Variants in CDH18 observed in about 807,000 individuals in gnomAD.
CDH18 encodes cadherin-18.
In CDH18, 31 loss-of-function variants were observed where a neutral mutation model predicts 67.9. The observed-to-expected ratio is 0.46, with a 90% CI of 0.34 to 0.62. CDH18 has a LOEUF of 0.62. CDH18 is among the 20% of genes least tolerant of loss of function. The pLI is 0.01. For missense variants in CDH18, 890 were observed against 975.5 expected (o/e 0.91, Z 1.17); for synonymous variants, 362 against 347.2 (o/e 1.04, Z -0.48).
chr5:20,217,295 T>C (rs183470428), intron 2 of CDH18, among the ~76,000 whole-genome samples: 201 of 151,838 alleles, frequency 1.3e-3, no homozygotes, highest in Admixed American at 2.0e-3. Flanking sequence ...GATGAACCCA[T>C]CAAAAATAAT....
intron 1 of CDH18, chr5:20,305,595 T>A: frequency 2.1e-6 from 1 of 479,080 alleles, no homozygotes; most frequent in Non-Finnish European, 3.8e-6. Flanking sequence ...GCTGCGGGCC[T>A]CAGAGGACTT....
At chr5:20,019,445 A>G (rs1738198714) in intron 2 of CDH18, among the ~76,000 whole-genome samples, 1 of 152,014 alleles carries the variant, frequency 6.6e-6, no homozygotes, top group African/African-American at 2.4e-5. Flanking sequence ...ATGTTGGAGG[A>G]AGGGCCTTGT....
At chr5:20,033,362 G>C (rs1739567111) in intron 2 of CDH18, among the ~76,000 whole-genome samples, 1 of 151,950 alleles carries the variant, frequency 6.6e-6, no homozygotes, top group African/African-American at 2.4e-5. Flanking sequence ...AAACAGCCTA[G>C]AGCACAGCTG....
chr5:20,449,674 A>G (rs1750278753), intron 1 of CDH18, among the ~76,000 whole-genome samples: 1 of 152,084 alleles, frequency 6.6e-6, no homozygotes, highest in Non-Finnish European at 1.5e-5. Context: ...ATTAACATTC[A>G]GACACATTTG....
chr5:19,643,756 T>C (rs926039097), intron 5 of CDH18, among the ~76,000 whole-genome samples: 3 of 152,094 alleles, frequency 2.0e-5, no homozygotes, highest in Admixed American at 6.6e-5. Context: ...GTTCTGGAGA[T>C]CTAATGTGCA....
chr5:19,532,802 A>G (rs1748847713), intron 9 of CDH18, among the ~76,000 whole-genome samples: 1 of 152,208 alleles, frequency 6.6e-6, no homozygotes, highest in Non-Finnish European at 1.5e-5. Flanking sequence ...ATAGCTGACA[A>G]AAGTTTCCAA....
intron 2 of CDH18, among the ~76,000 whole-genome samples, chr5:20,028,259 TTCTC>T (rs1407283640): frequency 6.6e-6 from 1 of 152,150 alleles, no homozygotes; most frequent in Non-Finnish European, 1.5e-5. Flanking sequence ...AAACAGTTCT[TTCTC>T]CTATATGAAA....
chr5:20,488,926 C>T (rs62355179), intron 1 of CDH18, among the ~76,000 whole-genome samples: 2,898 of 151,982 alleles, frequency 0.019, 54 homozygotes, highest in African/African-American at 0.047. Flanking sequence ...TGGTGACAAA[C>T]TGCTTTTCAT....
intron 2 of CDH18, among the ~76,000 whole-genome samples, chr5:20,092,947 G>A (rs556311004): frequency 6.6e-6 from 1 of 152,196 alleles, no homozygotes; most frequent in East Asian, 1.9e-4. Flanking sequence ...TACTGATTAA[G>A]TTAAAAATTA....
chr5:19,823,882 C>T (rs1780143564), intron 3 of CDH18, among the ~76,000 whole-genome samples: 1 of 152,086 alleles, frequency 6.6e-6, no homozygotes, highest in Non-Finnish European at 1.5e-5. Context: ...AACATACTCT[C>T]AGATCACAGA....
chr5:19,718,671 G>T (rs1318658575), intron 5 of CDH18, among the ~76,000 whole-genome samples: 2 of 151,850 alleles, frequency 1.3e-5, no homozygotes, highest in Non-Finnish European at 2.9e-5. Flanking sequence ...AAACACTTTT[G>T]TTCCTTAATG....
chr5:19,552,427 T>C (rs1737621736), intron 8 of CDH18, among the ~76,000 whole-genome samples: 1 of 152,166 alleles, frequency 6.6e-6, no homozygotes, highest in South Asian at 2.1e-4. Flanking sequence ...GCAAAGCAAC[T>C]ACTTTGTGGT....
intron 2 of CDH18, among the ~76,000 whole-genome samples, chr5:20,148,688 A>ATT (rs750960932): frequency 2.0e-5 from 3 of 152,066 alleles, no homozygotes; most frequent in Non-Finnish European, 4.4e-5. Flanking sequence ...TAGTCCATAG[A>ATT]AGTGGGTCTT....
chr5:19,539,228 T>C (rs997895817), intron 9 of CDH18, among the ~76,000 whole-genome samples: 17 of 152,208 alleles, frequency 1.1e-4, no homozygotes, highest in Non-Finnish European at 2.4e-4. Context: ...AAGGTTGTTT[T>C]ATTACCACCT....
intron 2 of CDH18, among the ~76,000 whole-genome samples, chr5:20,192,340 A>T (rs1738611612): frequency 6.6e-6 from 1 of 151,928 alleles, no homozygotes; most frequent in Non-Finnish European, 1.5e-5. Context: ...TGCTGTGCAG[A>T]AGCTCTTTAG....
At chr5:20,475,790 T>G (rs1190805297) in intron 1 of CDH18, among the ~76,000 whole-genome samples, 2 of 152,168 alleles carry the variant, frequency 1.3e-5, no homozygotes, top group Non-Finnish European at 2.9e-5. Context: ...TAGAGAGGGT[T>G]CAGTCAGGGG....
At chr5:20,329,626 C>T (rs1289714166) in intron 1 of CDH18, among the ~76,000 whole-genome samples, 5 of 151,652 alleles carry the variant, frequency 3.3e-5, no homozygotes, top group Admixed American at 6.6e-5. Flanking sequence ...CAAAATTAGC[C>T]GGACGTGGTG....
intron 1 of CDH18, among the ~76,000 whole-genome samples, chr5:20,469,510 C>T (rs1408110904): frequency 1.3e-5 from 2 of 152,110 alleles, no homozygotes; most frequent in African/African-American, 4.8e-5. Context: ...TTTCTTCAAC[C>T]TTTTCACTCA....
intron 1 of CDH18, among the ~76,000 whole-genome samples, chr5:20,561,312 A>G (rs1758196439): frequency 1.3e-5 from 2 of 152,256 alleles, no homozygotes; most frequent in Admixed American, 6.5e-5. Flanking sequence ...ATGGATGTTT[A>G]TAGCAATATT....
Sources: gnomAD v4.1 joint callset for allele counts (sites outside exome capture counted in the v4.1 genomes callset) on GRCh38, gnomAD v4.1.1 for gene constraint, MANE v1.5 for transcripts, NCBI Gene and HGNC (gene_info 2026-07-23, HGNC 2026-07-21) for gene names.